The following KIF16B variants were observed in gnomAD, a reference collection of about 807,000 sequenced individuals.
KIF16B encodes the protein kinesin family member 16B, also known as kinesin-like protein KIF16B.
Under a neutral mutation model 156.3 loss-of-function variants are expected in KIF16B, and 98 were observed. The observed-to-expected ratio is 0.63, with a 90% confidence interval of 0.53 to 0.74. The LOEUF (loss-of-function observed/expected upper bound fraction) is 0.74. KIF16B is among the 30% of genes least tolerant of loss of function. The probability of loss-of-function intolerance (pLI) is 0.00; values close to 1 mark genes in which losing one functional copy is unlikely to be tolerated. For missense variants in KIF16B, 1,421 were observed against 1,606.5 expected, an observed-to-expected ratio of 0.88 and a Z score of 1.97; for synonymous variants, 564 against 583.7, an observed-to-expected ratio of 0.97 and a Z score of 0.49.
intron 24 of KIF16B, among the ~76,000 whole-genome samples, chr20:16,328,374 G>A (rs1160251980): frequency 6.6e-6 from 1 of 152,206 alleles, no homozygotes; most frequent in Non-Finnish European, 1.5e-5. Flanking sequence ...ACTTAGTTAT[G>A]ATGAAGACAA....
At chr20:16,456,831 G>A (rs1432593854) in intron 12 of KIF16B, among the ~76,000 whole-genome samples, 1 of 151,516 alleles carries the variant, frequency 6.6e-6, no homozygotes, top group East Asian at 1.9e-4. Context: ...GCCATGTTTA[G>A]TGACCTATGA....
chr20:16,341,680 G>T (rs991379018), intron 23 of KIF16B, among the ~76,000 whole-genome samples: 4 of 152,258 alleles, frequency 2.6e-5, no homozygotes, highest in African/African-American at 9.6e-5. Flanking sequence ...AGAAATGCAT[G>T]TTCTGAGGTC....
intron 12 of KIF16B, among the ~76,000 whole-genome samples, chr20:16,469,897 T>C (rs1052153385): frequency 6.6e-6 from 1 of 152,126 alleles, no homozygotes; most frequent in Admixed American, 6.5e-5. Flanking sequence ...GCTTTACTCA[T>C]AATTGCCAAA....
chr20:16,450,447 T>C (rs2067049638), intron 12 of KIF16B, among the ~76,000 whole-genome samples: 2 of 152,096 alleles, frequency 1.3e-5, no homozygotes, highest in African/African-American at 4.8e-5. Context: ...GCAAAAGCTT[T>C]CCCAGCATGA....
At chr20:16,377,532 T>C (rs1245415216) in intron 19 of KIF16B, among the ~76,000 whole-genome samples, 2 of 152,068 alleles carry the variant, frequency 1.3e-5, no homozygotes, top group Non-Finnish European at 2.9e-5. Context: ...TGCAGTGAGC[T>C]ATGATCACAC....
chr20:16,283,673 C>A (rs1285459518), intron 25 of KIF16B, among the ~76,000 whole-genome samples: 1 of 152,210 alleles, frequency 6.6e-6, no homozygotes, highest in Admixed American at 6.5e-5. Context: ...CAAATTACCA[C>A]AAACGTTGTG....
intron 3 of KIF16B, among the ~76,000 whole-genome samples, chr20:16,517,652 T>C (rs2069187398): frequency 6.6e-6 from 1 of 152,086 alleles, no homozygotes; most frequent in African/African-American, 2.4e-5. Flanking sequence ...GGCCCCTCCC[T>C]GAACTTCTCT....
intron 11 of KIF16B, among the ~76,000 whole-genome samples, chr20:16,497,074 CA>C (rs2068472677): frequency 6.6e-6 from 1 of 152,042 alleles, no homozygotes; most frequent in Non-Finnish European, 1.5e-5. Context: ...AAGGCATGGG[CA>C]CACACATTGG....
Position 16,404,829 on chromosome 20 carries a change from T to G in KIF16B, c.1768A>C (p.Met590Leu). 1 of 1,612,992 alleles carries G rather than the reference T, an allele frequency of 6.2e-7. No individual in the cohort carries two copies. Among genetic ancestry groups the G allele is most frequent in the Non-Finnish European group, 8.5e-7 (1 of 1,179,300 alleles). Residue 590 changes from methionine to leucine, a missense_variant, in exon 17 of 26, where the codon ATG becomes CTG. By Grantham distance (15) the Met-to-Leu change is conservative. Coordinates refer to ENST00000354981, the MANE Select transcript of KIF16B (RefSeq NM_024704.5). ...SKSRENLSAV[M>L]LYNPGLEFER... ...TTCACTCACCCGGGGTTATACAACATGACTGCAGACAGGTTCTCACGGGAC... is the reference window on the plus strand; with the variant it reads ...TTCACTCACCCGGGGTTATACAACAGGACTGCAGACAGGTTCTCACGGGAC...
intron 24 of KIF16B, among the ~76,000 whole-genome samples, chr20:16,335,173 C>T (rs1050844151): frequency 6.6e-6 from 1 of 152,200 alleles, no homozygotes; most frequent in Non-Finnish European, 1.5e-5. Context: ...GCTAGTTAGA[C>T]AATGACTGTT....
intron 20 of KIF16B, among the ~76,000 whole-genome samples, chr20:16,372,108 C>T (rs1039215799): frequency 2.6e-5 from 4 of 152,004 alleles, no homozygotes; most frequent in Admixed American, 2.6e-4. Flanking sequence ...AATCTGATGC[C>T]AAGACAGAAT....
chr20:16,390,663 C>T (rs902376716), intron 17 of KIF16B, among the ~76,000 whole-genome samples: 2 of 152,188 alleles, frequency 1.3e-5, no homozygotes, highest in Non-Finnish European at 2.9e-5. Context: ...TCAACCAAAC[C>T]ATGGTACTTT....
In KIF16B at chr20:16,470,822, A is replaced by G. The variant is rs77424172; in HGVS notation, c.1302+23469T>C. 8.4e-3 allele frequency among the ~76,000 whole-genome samples: 1,261 copies of G among 149,816 alleles called. 16 individuals carry two copies. Among genetic ancestry groups the G allele is most frequent in the African/African-American group, 0.03 (1,202 of 40,384 alleles). ...TCAGCTCACTTTTGTTTGAACCTAA[A>G]ACTGTTCTAAAAATAAGATTGATTT... On this transcript the variant is annotated intron_variant, in intron 12 of 25. Transcript: ENST00000354981.
intron 19 of KIF16B, among the ~76,000 whole-genome samples, chr20:16,376,885 A>T (rs577197683): frequency 1.3e-5 from 2 of 152,340 alleles, no homozygotes; most frequent in South Asian, 4.1e-4. Flanking sequence ...TTTACATAAC[A>T]TACCTGCAAT....
chr20:16,428,324 T>C (rs1357977479), intron 14 of KIF16B, among the ~76,000 whole-genome samples: 2 of 152,110 alleles, frequency 1.3e-5, no homozygotes, highest in Non-Finnish European at 2.9e-5. Context: ...TGAGACAATA[T>C]AATTCTTCCC....
At chr20:16,436,457 C>T (rs1161554183) in intron 12 of KIF16B, among the ~76,000 whole-genome samples, 2 of 152,196 alleles carry the variant, frequency 1.3e-5, no homozygotes, top group East Asian at 3.8e-4. Context: ...CAGGCCTTCA[C>T]TTACAAGAGA....
At chr20:16,492,024 T>C (rs534059150) in intron 12 of KIF16B, among the ~76,000 whole-genome samples, 56 of 152,244 alleles carry the variant, frequency 3.7e-4, no homozygotes, top group African/African-American at 1.3e-3. Flanking sequence ...CTGCCCACCA[T>C]GAGAGGGGGT....
rs1372522820 is a variant in KIF16B at position 16,376,676 on chromosome 20, T to C, written c.3197+2129A>G. On this transcript the variant is annotated intron_variant, in intron 19 of 25. Transcript: ENST00000354981. Reference sequence around the variant, plus strand: ...GGCTTCTGAAGGAACACTCCCATTGTGTAATCACTTCCGTGGAAACTGCAA... The same window carrying C: ...GGCTTCTGAAGGAACACTCCCATTGCGTAATCACTTCCGTGGAAACTGCAA... 3.9e-5 allele frequency among the ~76,000 whole-genome samples: 6 copies of C among 152,240 alleles called. No homozygotes were observed. In the East Asian group the frequency reaches 1.2e-3, roughly 29 times the overall value.
intron 18 of KIF16B, 130 bp downstream of exon 18, chr20:16,381,564 T>A (rs1055487755): frequency 9.7e-6 from 5 of 517,418 alleles, no homozygotes; most frequent in Non-Finnish European, 1.3e-5. Context: ...TCATTAGACA[T>A]GTAAATAACA....
Sources: allele counts gnomAD v4.1 joint callset (sites outside exome capture counted in the v4.1 genomes callset), GRCh38; gene constraint gnomAD v4.1.1; transcripts MANE v1.5; gene names NCBI Gene and HGNC (gene_info 2026-07-23, HGNC 2026-07-21).